TENM2: variants seen among roughly 807,000 people sequenced by gnomAD.
TENM2 encodes the protein teneurin-2.
A neutral mutation model predicts 245.2 loss-of-function variants in TENM2; 52 were observed. That is an observed-to-expected ratio of 0.21 (90% CI 0.17 to 0.27). The LOEUF is 0.27. TENM2 is among the 10% of genes least tolerant of loss of function. The pLI, the probability that TENM2 is intolerant of heterozygous loss-of-function variation, is 1.00. For missense variants in TENM2, 3,046 were observed against 3,666.8 expected (o/e 0.83, Z 4.37); for synonymous variants, 1,363 against 1,438.9 (o/e 0.95, Z 1.19).
At chr5:167,604,110 A>G (rs1776852495) in intron 2 of TENM2, among the ~76,000 whole-genome samples, 1 of 152,218 alleles carries the variant, frequency 6.6e-6, no homozygotes, top group Non-Finnish European at 1.5e-5. Context: ...TTAAAAAGAT[A>G]AAAAGAGGTA....
intron 1 of TENM2, among the ~76,000 whole-genome samples, chr5:167,342,819 G>A (rs955899708): frequency 1.3e-5 from 2 of 150,646 alleles, no homozygotes; most frequent in Non-Finnish European, 2.9e-5. Flanking sequence ...GAGCCACCGC[G>A]CCCGGCCAAA....
intron 2 of TENM2, among the ~76,000 whole-genome samples, chr5:167,575,963 GC>G (rs1273538237): frequency 6.6e-6 from 1 of 151,982 alleles, no homozygotes; most frequent in Non-Finnish European, 1.5e-5. Flanking sequence ...CTGTTATTCT[GC>G]TGCTGATAAT....
rs147203856 is a variant in TENM2, at chr5:168,256,963, TC to T, written c.7433-3318del. 9.2e-3 allele frequency among the ~76,000 whole-genome samples: 1,397 copies of T among 152,320 alleles called. 21 individuals are homozygous for T. The highest frequency in any genetic ancestry group is 0.032 in the African/African-American group (1,335 of 41,560). ...AAGTGTGTTCTTAGGCACAGACAGA[TC>T]CACTGTCACACTACTACTAGTCAGG... On this transcript the variant is annotated intron_variant, in intron 27 of 28. Transcript: ENST00000518659.
intron 2 of TENM2, among the ~76,000 whole-genome samples, chr5:167,410,525 A>G (rs960899723): frequency 2.0e-5 from 3 of 149,352 alleles, no homozygotes; most frequent in Admixed American, 1.4e-4. Flanking sequence ...ATTATTATAG[A>G]GAATTCAGCT....
exon 12 of TENM2, chr5:168,126,878 G>A (rs1795891525): frequency 6.2e-7 from 1 of 1,608,322 alleles, no homozygotes; most frequent in African/African-American, 1.3e-5. Context: ...TTGAGCACGG[G>A]ACCTGTAAAG....
At chr5:168,113,666 T>C (rs1200196001) in intron 9 of TENM2, among the ~76,000 whole-genome samples, 1 of 152,206 alleles carries the variant, frequency 6.6e-6, no homozygotes, top group Non-Finnish European at 1.5e-5. Context: ...ATGAGCTTTA[T>C]ACCATTTAGG....
chr5:167,781,419 A>G (rs983613013), intron 2 of TENM2, among the ~76,000 whole-genome samples: 70 of 152,270 alleles, frequency 4.6e-4, no homozygotes, highest in African/African-American at 1.7e-3. Flanking sequence ...TAATAAAGGT[A>G]CTACAGTATT....
At chr5:167,529,158 TTGAG>T (rs1448055656) in intron 2 of TENM2, among the ~76,000 whole-genome samples, 1 of 152,142 alleles carries the variant, frequency 6.6e-6, no homozygotes, top group Admixed American at 6.6e-5. Flanking sequence ...ATCTTGATAA[TTGAG>T]TGAATAAGTG....
At chr5:167,020,555 T>C in the TENM2 span, among the ~76,000 whole-genome samples, 2 of 152,218 alleles carry the variant, frequency 1.3e-5, no homozygotes, top group Non-Finnish European at 2.9e-5. Context: ...CCATCTGACC[T>C]GAACTTCTCA....
intron 2 of TENM2, among the ~76,000 whole-genome samples, chr5:167,817,934 G>T (rs968569228): frequency 6.6e-6 from 1 of 152,160 alleles, no homozygotes; most frequent in Admixed American, 6.5e-5. Context: ...TTTTGCATTA[G>T]ATTGGAAGTT....
intron 2 of TENM2, among the ~76,000 whole-genome samples, chr5:167,857,472 GT>G (rs1362495416): frequency 6.6e-6 from 1 of 152,124 alleles, no homozygotes; most frequent in Non-Finnish European, 1.5e-5. Flanking sequence ...CTCTTAAGAG[GT>G]CAGCCTAGAA....
At chr5:167,476,349 C>T (rs1257690279) in intron 2 of TENM2, among the ~76,000 whole-genome samples, 1 of 152,150 alleles carries the variant, frequency 6.6e-6, no homozygotes, top group African/African-American at 2.4e-5. Context: ...TGTAACAGTA[C>T]ACTTTGGTCA....
At chr5:168,154,670 C>G (rs1399274227) in intron 12 of TENM2, among the ~76,000 whole-genome samples, 1 of 152,164 alleles carries the variant, frequency 6.6e-6, no homozygotes, top group Non-Finnish European at 1.5e-5. Context: ...CCAGGTGCAT[C>G]CAGAAAACAT....
the TENM2 span, among the ~76,000 whole-genome samples, chr5:167,102,977 T>C: frequency 6.6e-6 from 1 of 152,190 alleles, no homozygotes; most frequent in African/African-American, 2.4e-5. Flanking sequence ...AGTAATTCCT[T>C]GTAACGATAT....
chr5:168,171,721 A>G (rs563883564), intron 13 of TENM2, among the ~76,000 whole-genome samples: 1 of 152,342 alleles, frequency 6.6e-6, no homozygotes, highest in Non-Finnish European at 1.5e-5. Flanking sequence ...TAGATGACAA[A>G]TCAAATATCC....
intron 1 of TENM2, among the ~76,000 whole-genome samples, chr5:167,369,816 A>G (rs1760296413): frequency 6.6e-6 from 1 of 152,178 alleles, no homozygotes; most frequent in African/African-American, 2.4e-5. Flanking sequence ...ATCTGTTCCA[A>G]TGCTGGCATT....
chr5:167,978,968 G>A (rs537499510), intron 4 of TENM2, among the ~76,000 whole-genome samples: 2 of 152,254 alleles, frequency 1.3e-5, no homozygotes, highest in South Asian at 4.1e-4. Context: ...GAAAAAAAAT[G>A]TCTGTTCTCA....
chr5:167,376,345 T>C (rs933331689), intron 2 of TENM2, among the ~76,000 whole-genome samples: 1 of 152,210 alleles, frequency 6.6e-6, no homozygotes, highest in Non-Finnish European at 1.5e-5. Flanking sequence ...GCATGTTTGC[T>C]AAAAGAATTA....
At chr5:168,079,545 A>C (rs1009582484) in intron 7 of TENM2, among the ~76,000 whole-genome samples, 2 of 152,204 alleles carry the variant, frequency 1.3e-5, no homozygotes, top group Non-Finnish European at 2.9e-5. Flanking sequence ...TTGCCCATTC[A>C]GTATGATATT....
Sources: allele counts gnomAD v4.1 joint callset (sites outside exome capture counted in the v4.1 genomes callset), GRCh38; gene constraint gnomAD v4.1.1; transcripts MANE v1.5; gene names NCBI Gene and HGNC (gene_info 2026-07-23, HGNC 2026-07-21).